CDH13: variants seen among roughly 807,000 people sequenced by gnomAD.
CDH13 encodes the protein cadherin-13.
Under a neutral mutation model 63.8 loss-of-function variants are expected in CDH13, and 24 were observed. The ratio of observed to expected loss-of-function variants is 0.38; its 90% CI spans 0.27 to 0.53. CDH13 has a LOEUF of 0.53. CDH13 is among the 20% of genes least tolerant of loss of function. The pLI, the probability that CDH13 is intolerant of heterozygous loss-of-function variation, is 0.85. For missense variants in CDH13, 1,049 were observed against 903.1 expected, an observed-to-expected ratio of 1.16 and a Z score of -2.07; for synonymous variants, 503 against 355.3, an observed-to-expected ratio of 1.42 and a Z score of -4.67.
At chr16:82,724,011 G>C (rs757353552) in intron 1 of CDH13, among the ~76,000 whole-genome samples, 1 of 152,144 alleles carries the variant, frequency 6.6e-6, no homozygotes, top group Non-Finnish European at 1.5e-5. Context: ...GCTGGGCTGA[G>C]TTTTGAAAAT....
chr16:82,964,044 G>C (rs1907445863), intron 2 of CDH13, among the ~76,000 whole-genome samples: 1 of 152,098 alleles, frequency 6.6e-6, no homozygotes, highest in Non-Finnish European at 1.5e-5. Flanking sequence ...GAGTCGCTTT[G>C]TGTGCACAAT....
At chr16:83,108,087 C>G (rs1430319376) in intron 3 of CDH13, among the ~76,000 whole-genome samples, 1 of 152,132 alleles carries the variant, frequency 6.6e-6, no homozygotes, top group Non-Finnish European at 1.5e-5. Context: ...TCCCAAAGTG[C>G]TGGGATTACA....
intron 2 of CDH13, 177 bp downstream of exon 2, chr16:82,858,650 G>A: frequency 1.5e-6 from 1 of 646,884 alleles, no homozygotes; most frequent in South Asian, 1.8e-5. Flanking sequence ...CCAACTTAGA[G>A]GTTAATAGAG....
In CDH13 at chr16:83,773,685, G is replaced by A. The variant is rs1407166422; in HGVS notation, c.1682-6283G>A. ...AGTCTGAAAGAAGCCCATCTAAAGT[G>A]TAGTCCAGCACAGGGGAAGGTTATG... On this transcript the variant is annotated intron_variant, in intron 11 of 13. Transcript: ENST00000567109. Among the ~76,000 whole-genome samples the A allele has an allele frequency of 2.0e-5, 3 of 152,272 alleles. No homozygotes were observed. In the East Asian group the frequency reaches 5.8e-4, roughly 29 times the overall value.
chr16:83,356,939 G>C (rs902083283), intron 6 of CDH13, among the ~76,000 whole-genome samples: 1 of 152,104 alleles, frequency 6.6e-6, no homozygotes, highest in African/African-American at 2.4e-5. Flanking sequence ...CAAAAGTTTG[G>C]TTTGGGGAAT....
chr16:83,330,189 A>G (rs1452075803), intron 5 of CDH13, among the ~76,000 whole-genome samples: 1 of 152,218 alleles, frequency 6.6e-6, no homozygotes, highest in Non-Finnish European at 1.5e-5. Flanking sequence ...CTAAATAGAC[A>G]CACACATACA....
intron 1 of CDH13, among the ~76,000 whole-genome samples, chr16:82,664,080 A>ACCTC (rs1381980603): frequency 6.6e-6 from 1 of 152,122 alleles, no homozygotes; most frequent in Non-Finnish European, 1.5e-5. Flanking sequence ...ACTCGTCCCT[A>ACCTC]CCTCATAGGG....
chr16:83,217,555 T>C (rs1168438482), intron 5 of CDH13, 58 bp downstream of exon 5: 2 of 1,547,900 alleles, frequency 1.3e-6, no homozygotes, highest in East Asian at 4.5e-5. Context: ...TCAAAGATTG[T>C]TTTCTTCCCA....
intron 5 of CDH13, among the ~76,000 whole-genome samples, chr16:83,299,452 G>A (rs1017561510): frequency 1.3e-5 from 2 of 152,082 alleles, no homozygotes; most frequent in African/African-American, 4.8e-5. Context: ...ATTCTCTCTA[G>A]GAACCACCAT....
intron 6 of CDH13, among the ~76,000 whole-genome samples, chr16:83,349,708 C>T (rs1249006016): frequency 6.6e-6 from 1 of 152,142 alleles, no homozygotes; most frequent in African/African-American, 2.4e-5. Flanking sequence ...TCAAGCAATT[C>T]TCCTGCCTCA....
At chr16:83,622,325 G>C (rs1248365130) in intron 8 of CDH13, among the ~76,000 whole-genome samples, 1 of 151,858 alleles carries the variant, frequency 6.6e-6, no homozygotes, top group Non-Finnish European at 1.5e-5. Flanking sequence ...ACACAGCACT[G>C]CACTCCCCTG....
intron 4 of CDH13, among the ~76,000 whole-genome samples, chr16:83,185,727 T>A (rs529178952): frequency 9.8e-5 from 15 of 152,372 alleles, no homozygotes; most frequent in African/African-American, 3.6e-4. Flanking sequence ...AGGAGTGATC[T>A]ATGGAATAAA....
intron 1 of CDH13, among the ~76,000 whole-genome samples, chr16:82,724,284 TATCC>T (rs1016742102): frequency 6.6e-6 from 1 of 152,104 alleles, no homozygotes; most frequent in Non-Finnish European, 1.5e-5. Flanking sequence ...TCCATCCATC[TATCC>T]ATCCATCCAT....
At chr16:83,046,095 A>G (rs929903308) in intron 3 of CDH13, among the ~76,000 whole-genome samples, 2 of 152,216 alleles carry the variant, frequency 1.3e-5, no homozygotes, top group Non-Finnish European at 2.9e-5. Flanking sequence ...GTCTAGTCTC[A>G]AGGCCTAATC....
chr16:83,483,778 C>G (rs900231032), intron 6 of CDH13, among the ~76,000 whole-genome samples: 3 of 152,114 alleles, frequency 2.0e-5, no homozygotes, highest in African/African-American at 7.2e-5. Flanking sequence ...ATGGGGATAT[C>G]CTTAAGTTTG....
At chr16:83,235,582 G>GTTTTT (rs58891041) in intron 5 of CDH13, among the ~76,000 whole-genome samples, 3 of 140,432 alleles carry the variant, frequency 2.1e-5, no homozygotes, top group Admixed American at 7.1e-5. Flanking sequence ...ATGTGGTGGT[G>GTTTTT]TTTTTTTTTT....
At chr16:83,418,243 A>G (rs548500563) in intron 6 of CDH13, among the ~76,000 whole-genome samples, 1 of 152,304 alleles carries the variant, frequency 6.6e-6, no homozygotes, top group Admixed American at 6.5e-5. Context: ...TATTTGGAGG[A>G]TTAAAAGGGA....
chr16:83,595,770 C>A (rs921986794), intron 7 of CDH13, among the ~76,000 whole-genome samples: 1 of 152,190 alleles, frequency 6.6e-6, no homozygotes, highest in Non-Finnish European at 1.5e-5. Context: ...ACAGTCTAGC[C>A]CTATGCCCCT....
chr16:82,715,083 G>A (rs187464965), intron 1 of CDH13, among the ~76,000 whole-genome samples: 2 of 148,874 alleles, frequency 1.3e-5, no homozygotes, highest in Admixed American at 1.4e-4. Context: ...GGGCAGCACT[G>A]GGAACTTAGA....
Sources: allele counts gnomAD v4.1 joint callset (sites outside exome capture counted in the v4.1 genomes callset), GRCh38; gene constraint gnomAD v4.1.1; transcripts MANE v1.5; gene names NCBI Gene and HGNC (gene_info 2026-07-23, HGNC 2026-07-21).